ACSBG1: variants seen among roughly 807,000 people sequenced by gnomAD.
The protein encoded by ACSBG1 is acyl-CoA synthetase bubblegum family member 1, also known as long-chain-fatty-acid--CoA ligase ACSBG1.
In ACSBG1, 39 loss-of-function variants were observed where a neutral mutation model predicts 80.2. The ratio of observed to expected loss-of-function variants is 0.49; its 90% CI spans 0.38 to 0.64. The LOEUF (loss-of-function observed/expected upper bound fraction) is 0.64. Ranked by LOEUF, ACSBG1 falls within the 30% of genes least tolerant of loss-of-function variation. ACSBG1 has a pLI of 0.00. For synonymous variants in ACSBG1, 392 were observed against 379.5 expected (o/e 1.03, Z -0.38); for missense variants, 828 against 966.4 (o/e 0.86, Z 1.90).
At chr15:78,204,978 C>T (rs962803711) in intron 2 of ACSBG1, among the ~76,000 whole-genome samples, 5 of 152,116 alleles carry the variant, frequency 3.3e-5, no homozygotes, top group African/African-American at 1.2e-4. Flanking sequence ...ATTGCAAAAG[C>T]TCCTTAGTGG....
chr15:78,176,581 A>C (rs1040189142), intron 11 of ACSBG1, among the ~76,000 whole-genome samples: 2 of 152,188 alleles, frequency 1.3e-5, no homozygotes, highest in Non-Finnish European at 1.5e-5. Flanking sequence ...AAAATACCTT[A>C]AAAAATTCTT....
At position 78,182,071 on chromosome 15, in the gene ACSBG1, G is replaced by A. The variant is rs1251263988; in HGVS notation, c.969C>T (p.Val323=). The change falls in exon 8 of 14, where the codon GTC becomes GTT. Residue 323 remains valine (V), a synonymous_variant. Coordinates refer to ENST00000258873, the MANE Select transcript of ACSBG1 (RefSeq NM_015162.5). ...CAATATGGCTGAGGGGCAGGTAGCT[G>A]ACTACCACCTCCTGCTGGACTTCTG... ...RPAEVQQEVV[V]SYLPLSHIAA... 5 of 1,613,758 alleles carry A rather than the reference G, an allele frequency of 3.1e-6. No individual in the cohort carries two copies. The highest frequency in any genetic ancestry group is 2.7e-5 in the African/African-American group (2 of 74,936).
At position 78,174,615 on chromosome 15, in the gene ACSBG1, C is replaced by T. The variant is rs1211936261; in HGVS notation, c.1703-91G>A. ...CAAGCCTCAACCACAACCCGGAAGC[C>T]TCAGCACAGCTGGAGATGCCCCCTT... is the stretch of plus-strand genomic sequence containing the variant. On this transcript the variant is annotated intron_variant, in intron 11 of 13. Coordinates refer to ENST00000258873, the MANE Select transcript of ACSBG1 (RefSeq NM_015162.5). The T allele has an allele frequency of 2.1e-6, 3 of 1,460,534 alleles. No individual in the cohort carries two copies. In the African/African-American group the frequency reaches 4.2e-5, roughly 21 times the overall value. 90.5% of individuals were successfully genotyped at this position (1,460,534 alleles called of 1,614,324 possible). A position where few individuals can be genotyped will look rare whatever the true frequency, so the allele number is the denominator to read the frequency against.
chr15:78,197,719 TA>T (rs746712543), intron 2 of ACSBG1, among the ~76,000 whole-genome samples: 64,410 of 102,762 alleles, frequency 0.63, 21,449 homozygotes, highest in Admixed American at 0.75. Flanking sequence ...ACTCTGTCTT[TA>T]AAAAAAAAAA....
At position 78,182,592 on chromosome 15, in the gene ACSBG1, C is replaced by T; in HGVS notation, c.768G>A (p.Gly256=). 6.2e-7 allele frequency: 1 copy of T among 1,614,048 alleles called. No homozygotes were observed. The highest frequency in any genetic ancestry group is 1.7e-4 in the Middle Eastern group (1 of 6,060). ...CCAGGGCTTCCTCAGGCACTTCATT[C>T]CCCAGCTCCATGAATTCCTCCATCT... is the stretch of plus-strand genomic sequence containing the variant. ...VYTMEEFMEL[G]NEVPEEALDA... Residue 256 remains glycine, a synonymous_variant, in exon 7 of 14, where the codon GGG becomes GGA. Coordinates refer to ENST00000258873, the MANE Select transcript of ACSBG1 (RefSeq NM_015162.5).
At chr15:78,174,756 A>C (rs2074866390) in intron 11 of ACSBG1, 1 of 547,282 alleles carries the variant, frequency 1.8e-6, no homozygotes, top group African/African-American at 1.9e-5. Context: ...TCGGCTTGTC[A>C]TCCACGACTC....
At position 78,177,373 on chromosome 15, in the gene ACSBG1, G is replaced by A. The variant is rs908873836; in HGVS notation, c.1702+1241C>T. ...ATAAAGGACAAAGGTATCACTGCAA[G>A]GCCATGGGGAAAGGATGCTGTGTCC... On this transcript the variant is annotated intron_variant, in intron 11 of 13. Coordinates refer to ENST00000258873, the MANE Select transcript of ACSBG1 (RefSeq NM_015162.5). This position sits in a 1 kb window ranked among gnomAD's most constrained non-coding sequence, Gnocchi z 4.1. Among the ~76,000 whole-genome samples the A allele has an allele frequency of 6.6e-6, 1 of 152,184 alleles. No homozygotes were observed. Among genetic ancestry groups the A allele is most frequent in the Non-Finnish European group, 1.5e-5 (1 of 68,044 alleles).
chr15:78,215,748 A>AAGAAAGAAAGAAAG (rs2075304801), intron 1 of ACSBG1, among the ~76,000 whole-genome samples: 1 of 147,414 alleles, frequency 6.8e-6, no homozygotes, highest in African/African-American at 2.5e-5. Context: ...GAAAGAAAGA[A>AAGAAAGAAAGAAAG]AGAAAGAAAG....
chr15:78,201,655 G>A (rs2141359048), intron 2 of ACSBG1, among the ~76,000 whole-genome samples: 1 of 152,318 alleles, frequency 6.6e-6, no homozygotes, highest in African/African-American at 2.4e-5. Flanking sequence ...TTCTTCTCAT[G>A]TCCATGTGTT....
At chr15:78,185,571 A>T (rs1296229897) in intron 5 of ACSBG1, among the ~76,000 whole-genome samples, 4 of 152,226 alleles carry the variant, frequency 2.6e-5, no homozygotes, top group African/African-American at 9.6e-5. Flanking sequence ...GTCCCAGAAA[A>T]TTTTTTTAAT....
At chr15:78,210,591 T>C (rs2075258839) in intron 1 of ACSBG1, among the ~76,000 whole-genome samples, 1 of 152,168 alleles carries the variant, frequency 6.6e-6, no homozygotes, top group African/African-American at 2.4e-5. Flanking sequence ...ATGGTCGTCT[T>C]TCAGTTTTTA....
At chr15:78,189,797 A>G (rs191501077) in intron 5 of ACSBG1, among the ~76,000 whole-genome samples, 2,143 of 152,182 alleles carry the variant, frequency 0.014, 18 homozygotes, top group South Asian at 0.036. Context: ...CATTGTGCAC[A>G]TGTACCCTAA....
At chr15:78,196,248 A>G (rs1296875920) in intron 2 of ACSBG1, among the ~76,000 whole-genome samples, 1 of 152,236 alleles carries the variant, frequency 6.6e-6, no homozygotes, top group Non-Finnish European at 1.5e-5. Flanking sequence ...ATCACTCCTC[A>G]GACCTCTCCA....
chr15:78,173,857 AGAT>A lies in ACSBG1; in HGVS notation c.1843-21_1843-19del, dbSNP rs1429314548. On this transcript the variant is annotated intron_variant, in intron 12 of 13. Transcript: ENST00000258873. ...AGAGTGCACTGAAAAGCCAGAGATCAGATGAGGACCAAGCCTTACCCAACAAGA... is the reference window on the plus strand; with the variant it reads ...AGAGTGCACTGAAAAGCCAGAGATCAGAGGACCAAGCCTTACCCAACAAGA... 6.2e-7 allele frequency: 1 copy of A among 1,611,832 alleles called. No homozygotes were observed. Among genetic ancestry groups the A allele is most frequent in the Non-Finnish European group, 8.5e-7 (1 of 1,178,900 alleles).
At chr15:78,180,672 T>C in intron 9 of ACSBG1, 83 bp downstream of exon 9, 1 of 1,524,892 alleles carries the variant, frequency 6.6e-7, no homozygotes. Context: ...GGGACAGGCA[T>C]GGCGTATCAG....
intron 1 of ACSBG1, among the ~76,000 whole-genome samples, chr15:78,232,674 A>C (rs11072746): frequency 0.18 from 27,128 of 147,770 alleles, 2,619 homozygotes; most frequent in African/African-American, 0.25. Context: ...GGGCACATTT[A>C]TTTCTTTTTC....
Position 78,193,586 on chromosome 15 carries a change from C to A in ACSBG1, c.583G>T (p.Ala195Ser), listed in dbSNP as rs1416166501. The A allele has an allele frequency of 1.9e-6, 3 of 1,613,838 alleles. No homozygotes were observed. The highest frequency in any genetic ancestry group is 2.5e-6 in the Non-Finnish European group (3 of 1,179,826). The change falls in exon 5 of 14, where the codon GCC becomes TCC. Residue 195 changes from alanine to serine, a missense_variant. Ala to Ser is a moderately conservative substitution (Grantham distance 99). This residue lies in a region of ACSBG1 where 356 missense variants were observed against 363.5 expected (regional missense o/e 0.98). Coordinates refer to ENST00000258873, the MANE Select transcript of ACSBG1 (RefSeq NM_015162.5). The part of the protein sequence containing the change: ...TGIYTTSSPE[A>S]CQYIAYDCCA... ...CAGTCATAAGCGATGTACTGGCAGG[C>A]CTCTGGGGAGCTGGTGGTGTAGATG... is the stretch of plus-strand genomic sequence containing the variant.
In ACSBG1 at chr15:78,182,408, C is replaced by A. The variant is rs541196522; in HGVS notation, c.894+58G>T. On this transcript the variant is annotated intron_variant, in intron 7 of 13. Coordinates refer to ENST00000258873, the MANE Select transcript of ACSBG1 (RefSeq NM_015162.5). ...AGGGGCTACTGGGGCAGAGCCATGG[C>A]CCAGATCCACCCATAACCCCCTTGC... 26 of 1,596,192 alleles carry A rather than the reference C, an allele frequency of 1.6e-5. 1 individual carries two copies. In the South Asian group the frequency reaches 2.9e-4, roughly 18 times the overall value.
intron 1 of ACSBG1, among the ~76,000 whole-genome samples, chr15:78,224,132 T>C (rs1473162919): frequency 3.3e-5 from 5 of 152,134 alleles, no homozygotes; most frequent in African/African-American, 9.7e-5. Context: ...TACAGTGCAA[T>C]GGAAAACTCA....
Sources: allele counts gnomAD v4.1 joint callset (sites outside exome capture counted in the v4.1 genomes callset), GRCh38; gene constraint gnomAD v4.1.1; regional missense constraint gnomAD v4.1.1; non-coding constraint Gnocchi (gnomAD v3.1); transcripts MANE v1.5; gene names NCBI Gene and HGNC (gene_info 2026-07-23, HGNC 2026-07-21).